YAE1: variants seen among roughly 807,000 people sequenced by gnomAD.
The protein encoded by YAE1 is protein YAE1 homolog.
YAE1 carries 22 observed loss-of-function variants against 23.0 expected under a neutral mutation model. That is an observed-to-expected ratio of 0.96 (90% confidence interval 0.68 to 1.37). The LOEUF (loss-of-function observed/expected upper bound fraction) is 1.37, where lower values mean the gene tolerates loss of function less well. Ranked by LOEUF, YAE1 falls within the 40% of genes most tolerant of loss-of-function variation. The pLI, the probability that YAE1 is intolerant of heterozygous loss-of-function variation, is 0.00. For synonymous variants in YAE1, 101 were observed against 97.0 expected (o/e 1.04, Z -0.24); for missense variants, 260 against 262.1 (o/e 0.99, Z 0.06).
chr7:39,579,644 G>A (rs1676003561), intron 2 of YAE1, among the ~76,000 whole-genome samples: 1 of 144,640 alleles, frequency 6.9e-6, no homozygotes, highest in South Asian at 2.2e-4. Context: ...CTCCAGCCTG[G>A]ACAACAGAGT....
downstream of YAE1, among the ~76,000 whole-genome samples, chr7:39,611,637 G>A (rs978166494): frequency 6.6e-6 from 1 of 152,216 alleles, no homozygotes; most frequent in African/African-American, 2.4e-5. Context: ...TGCTAATAGG[G>A]TATTCTGCCC....
downstream of YAE1, among the ~76,000 whole-genome samples, chr7:39,577,129 CAG>C (rs1220142640): frequency 6.6e-6 from 1 of 152,238 alleles, no homozygotes; most frequent in African/African-American, 2.4e-5. Flanking sequence ...CTCCTGACCT[CAG>C]GTGATCCACC....
chr7:39,605,758 G>A (rs1386685750), intron 2 of YAE1, among the ~76,000 whole-genome samples: 3 of 152,036 alleles, frequency 2.0e-5, no homozygotes. Flanking sequence ...CTGTTTCTCT[G>A]CAGAACCCTA....
At chr7:39,574,914 G>C (rs1004312765), downstream of YAE1, among the ~76,000 whole-genome samples, 1 of 152,068 alleles carries the variant, frequency 6.6e-6, no homozygotes, top group Admixed American at 6.6e-5. Flanking sequence ...CTAAAAACAT[G>C]AAATACAGAA....
chr7:39,566,450 A>G lies in YAE1; in HGVS notation c.32A>G (p.Gln11Arg), dbSNP rs1790467372. The change falls in exon 1 of 3, where the codon CAG (glutamine) becomes CGG (arginine). Residue 11 changes from glutamine (Q) to arginine (R), a missense_variant. Gln to Arg is a conservative substitution (Grantham distance 43, BLOSUM62 1). Coordinates refer to ENST00000223273, the MANE Select transcript of YAE1 (RefSeq NM_020192.5). MSWVQAASLI[Q>R]GPGDKGDVFD... ...TGGGTTCAAGCAGCCTCCTTGATCC[A>G]GGGCCCTGGAGACAAAGGGGACGTG... The G allele has an allele frequency of 6.2e-7, 1 of 1,614,060 alleles. No homozygotes were observed.
intron 2 of YAE1, among the ~76,000 whole-genome samples, chr7:39,606,906 A>G (rs17714061): frequency 0.053 from 8,073 of 152,310 alleles, 291 homozygotes; most frequent in East Asian, 0.12. Flanking sequence ...GCCTACTGTC[A>G]TTATTTTGAG....
rs564509487 is a variant in YAE1 at position 39,592,507 on chromosome 7, T to A, written c.252-17110T>A. On this transcript the variant is annotated intron_variant, in intron 2 of 2. Transcript: ENST00000432096. ...ATGGATTTAACCCATGGCAAACCCATTACAAATCAAAAATATCACAAGTCA... is the reference window on the plus strand; with the variant it reads ...ATGGATTTAACCCATGGCAAACCCAATACAAATCAAAAATATCACAAGTCA... 1.1e-4 allele frequency among the ~76,000 whole-genome samples: 16 copies of A among 152,188 alleles called. No individual in the cohort carries two copies. The East Asian group carries it at 2.9e-3, about 28-fold the overall frequency.
Position 39,587,020 on chromosome 7 carries a change from T to TTCTTTTCTTTCTCTTTC in YAE1, c.251+16398_251+16399insTCTTTCTCTTTCTCTTT, listed in dbSNP as rs144211272. ...GAAAGAGTCTTTCTTTTCTTTTCTT[T>TTCTTTTCTTTCTCTTTC]TCTTTCTCTTTCTCTTTCTTTCTTT... is the stretch of plus-strand genomic sequence containing the variant. On this transcript the variant is annotated intron_variant, in intron 2 of 2. Coordinates refer to the YAE1 transcript ENST00000432096. Among the ~76,000 whole-genome samples the TTCTTTTCTTTCTCTTTC allele has an allele frequency of 1.1e-4, 16 of 150,318 alleles. No individual in the cohort carries two copies. The East Asian group carries it at 1.6e-3, about 15-fold the overall frequency.
At chr7:39,587,043 T>TC (rs1790829566) in intron 2 of YAE1, among the ~76,000 whole-genome samples, 1 of 149,628 alleles carries the variant, frequency 6.7e-6, no homozygotes, top group Non-Finnish European at 1.5e-5. Flanking sequence ...TCTTTCTTTC[T>TC]TTTCTTTCTT....
At chr7:39,602,871 C>T (rs1791072737) in intron 2 of YAE1, among the ~76,000 whole-genome samples, 1 of 152,124 alleles carries the variant, frequency 6.6e-6, no homozygotes. Flanking sequence ...GCCTCGATCT[C>T]CCGAGTAGCT....
At chr7:39,576,536 C>G (rs534046434), downstream of YAE1, among the ~76,000 whole-genome samples, 1 of 152,304 alleles carries the variant, frequency 6.6e-6, no homozygotes, top group African/African-American at 2.4e-5. Context: ...TTATTCCCAA[C>G]TTAGATTTTT....
At chr7:39,578,762 A>G (rs1269259119) in intron 2 of YAE1, among the ~76,000 whole-genome samples, 1 of 152,248 alleles carries the variant, frequency 6.6e-6, no homozygotes, top group Non-Finnish European at 1.5e-5. Context: ...GAGGGTCTGC[A>G]GCTTCATTCT....
intron 2 of YAE1, among the ~76,000 whole-genome samples, chr7:39,600,766 G>C (rs1221816510): frequency 6.6e-6 from 1 of 152,150 alleles, no homozygotes. Flanking sequence ...CGTGAAGATG[G>C]AGGCAGAAGG....
chr7:39,604,649 T>C (rs533860156), intron 2 of YAE1, among the ~76,000 whole-genome samples: 8 of 152,214 alleles, frequency 5.3e-5, no homozygotes, highest in Non-Finnish European at 8.8e-5. Flanking sequence ...TGATTAGTAG[T>C]TATATAGTCA....
intron 2 of YAE1, among the ~76,000 whole-genome samples, chr7:39,589,083 A>C (rs555156518): frequency 3.8e-4 from 57 of 151,998 alleles, no homozygotes; most frequent in Non-Finnish European, 6.9e-4. Flanking sequence ...TGACCTCCCA[A>C]AGTGCTGGGA....
At chr7:39,576,277 G>C (rs1161388326), downstream of YAE1, among the ~76,000 whole-genome samples, 1 of 152,118 alleles carries the variant, frequency 6.6e-6, no homozygotes, top group Non-Finnish European at 1.5e-5. Context: ...CTACAATCTA[G>C]CTGTCTTCCT....
chr7:39,596,552 T>A (rs905797634), intron 2 of YAE1, among the ~76,000 whole-genome samples: 1 of 152,172 alleles, frequency 6.6e-6, no homozygotes, highest in East Asian at 1.9e-4. Flanking sequence ...TCACTTCCAA[T>A]AATAATTATT....
chr7:39,586,407 G>A (rs1223858709), intron 2 of YAE1, among the ~76,000 whole-genome samples: 1 of 147,686 alleles, frequency 6.8e-6, no homozygotes. Flanking sequence ...CTCCTGACCT[G>A]GTGATCCGCC....
intron 2 of YAE1, among the ~76,000 whole-genome samples, chr7:39,606,637 G>GGT (rs1791133642): frequency 6.6e-6 from 1 of 152,060 alleles, no homozygotes; most frequent in African/African-American, 2.4e-5. Flanking sequence ...CACACAAAAG[G>GGT]GTGTGCCCAC....
Sources: allele counts gnomAD v4.1 joint callset (sites outside exome capture counted in the v4.1 genomes callset), GRCh38; gene constraint gnomAD v4.1.1; transcripts MANE v1.5; gene names NCBI Gene and HGNC (gene_info 2026-07-23, HGNC 2026-07-21).